HM13: variants seen among roughly 807,000 people sequenced by gnomAD.
The protein encoded by HM13 is signal peptide peptidase.
Under a neutral mutation model 50.0 loss-of-function variants are expected in HM13, and 18 were observed. The observed-to-expected ratio is 0.36, with a 90% confidence interval of 0.25 to 0.53. The LOEUF (loss-of-function observed/expected upper bound fraction) is 0.53. Among genes scored for constraint, HM13 ranks in the 20% least tolerant of loss-of-function variants. HM13 has a pLI of 0.90. For synonymous variants in HM13, 197 were observed against 232.6 expected (o/e 0.85, Z 1.39); for missense variants, 393 against 552.4 (o/e 0.71, Z 2.89).
Position 31,569,166 on chromosome 20 carries a change from A to C in HM13, c.1228A>C (p.Lys410Gln), listed in dbSNP as rs750852753. The stretch of plus-strand genomic sequence containing the variant: ...GGATCCAGCGGCAGTGACAGAATCC[A>C]AAGAGGGAACAGAGGCATCAGCATC... ...PKDPAAVTES[K>Q]EGTEASASKG... The change falls in exon 13 of 13, where the codon AAA becomes CAA. Residue 410 changes from lysine to glutamine, a missense_variant. Lys to Gln is a moderately conservative substitution (Grantham distance 53). Transcript: ENST00000398174. The C allele has an allele frequency of 1.2e-6, 2 of 1,602,748 alleles. No homozygotes were observed. Among genetic ancestry groups the C allele is most frequent in the Non-Finnish European group, 1.7e-6 (2 of 1,174,418 alleles).
At chr20:31,559,734 A>T in intron 9 of HM13, 87 bp downstream of exon 9, 1 of 1,259,130 alleles carries the variant, frequency 7.9e-7, no homozygotes, top group Non-Finnish European at 1.2e-6. Flanking sequence ...ACCTCAGGAG[A>T]CCAGACCCTC....
intron 11 of HM13, 91 bp from the exon 12 acceptor site, chr20:31,567,987 C>T: frequency 8.8e-7 from 1 of 1,136,554 alleles, no homozygotes; most frequent in Non-Finnish European, 1.2e-6. Flanking sequence ...GACAGTTCTG[C>T]TCTCTGCTCC....
At chr20:31,538,782 C>A in intron 3 of HM13, 1 of 421,364 alleles carries the variant, frequency 2.4e-6, no homozygotes, top group South Asian at 9.9e-5. Context: ...CCTCAATTTC[C>A]TGGTGAATGT....
intron 1 of HM13, among the ~76,000 whole-genome samples, chr20:31,515,315 A>G (rs1302422330): frequency 6.6e-6 from 1 of 152,166 alleles, no homozygotes; most frequent in Non-Finnish European, 1.5e-5. Flanking sequence ...CTCAAAAACA[A>G]TGATCTCTTA....
rs1178538878 is a variant in HM13 at position 31,569,157 on chromosome 20, A to G, written c.1219A>G (p.Thr407Ala). The change falls in exon 13 of 13, where the codon ACA (threonine) becomes GCA (alanine). Residue 407 changes from threonine (T) to alanine (A), a missense_variant. Thr to Ala is a moderately conservative substitution (Grantham distance 58). Around this residue, in one of 3 missense-constraint regions of HM13, gnomAD observed 105 missense variants for 115.9 expected, o/e 0.91. Coordinates refer to ENST00000398174, the MANE Select transcript of HM13 (RefSeq NM_178581.3). Reference protein sequence around the residue: ...ESNPKDPAAVTESKEGTEASA... With the variant: ...ESNPKDPAAVAESKEGTEASA... ...AAATCCTAAGGATCCAGCGGCAGTGACAGAATCCAAAGAGGGAACAGAGGC... is the reference window on the plus strand; with the variant it reads ...AAATCCTAAGGATCCAGCGGCAGTGGCAGAATCCAAAGAGGGAACAGAGGC... 6.3e-7 allele frequency: 1 copy of G among 1,598,262 alleles called. No homozygotes were observed. The highest frequency in any genetic ancestry group is 1.1e-5 in the South Asian group (1 of 89,202).
In HM13 at chr20:31,514,480, G is replaced by C. The variant is rs574860648; in HGVS notation, c.-72G>C. The C allele has an allele frequency of 1.3e-6, 2 of 1,510,960 alleles. No individual in the cohort carries two copies. The highest frequency in any genetic ancestry group is 2.7e-5 in the African/African-American group (2 of 72,906). The allele number at this position is 1,510,960 out of a possible 1,614,324, so 93.6% of individuals were successfully genotyped here. A position where few individuals can be genotyped will look rare whatever the true frequency, so the allele number is the denominator to read the frequency against. ...TTAGGGGAACGTGGCTTTCCCTGCA[G>C]AGCCGGTGTCTCCGCCTGCGTCCCT... On this transcript the variant is annotated 5_prime_UTR_variant, in exon 1 of 13. Coordinates refer to ENST00000398174, the MANE Select transcript of HM13 (RefSeq NM_178581.3). This position sits in a 1 kb window ranked among gnomAD's most constrained non-coding sequence, Gnocchi z 4.3.
At chr20:31,546,335 C>G (rs895166346) in intron 4 of HM13, among the ~76,000 whole-genome samples, 1 of 152,098 alleles carries the variant, frequency 6.6e-6, no homozygotes, top group African/African-American at 2.4e-5. Flanking sequence ...CGCGCCCGGC[C>G]GTAGCACTCT....
chr20:31,548,727 G>A, intron 4 of HM13: 3 of 432,616 alleles, frequency 6.9e-6, no homozygotes, highest in Non-Finnish European at 1.3e-5. Context: ...AGGTCACCCA[G>A]CTACAAGTAA....
At chr20:31,553,842 C>G (rs569862748) in intron 7 of HM13, among the ~76,000 whole-genome samples, 1 of 151,946 alleles carries the variant, frequency 6.6e-6, no homozygotes, top group Non-Finnish European at 1.5e-5. Flanking sequence ...GCTTATAGCC[C>G]GGGCTCACCC....
intron 7 of HM13, among the ~76,000 whole-genome samples, chr20:31,552,116 G>C (rs2122632160): frequency 6.6e-6 from 1 of 152,244 alleles, no homozygotes; most frequent in East Asian, 1.9e-4. Context: ...TGCTGGGCCA[G>C]CCAGAGCAAC....
intron 12 of HM13, among the ~76,000 whole-genome samples, chr20:31,568,584 A>G (rs1403775529): frequency 6.6e-6 from 1 of 152,218 alleles, no homozygotes; most frequent in Non-Finnish European, 1.5e-5. Flanking sequence ...TTATCTGGTG[A>G]GGAAAGATTT....
At chr20:31,561,589 C>T in intron 9 of HM13, 45 bp from the exon 10 acceptor site, 2 of 1,307,078 alleles carry the variant, frequency 1.5e-6, no homozygotes, top group Non-Finnish European at 1.1e-6. Context: ...CTAGTTCAGT[C>T]CCTATATCTA....
chr20:31,526,455 CCTT>C (rs1295057189), intron 1 of HM13, among the ~76,000 whole-genome samples: 1 of 152,178 alleles, frequency 6.6e-6, no homozygotes, highest in African/African-American at 2.4e-5. Flanking sequence ...CTGCGCCTGG[CCTT>C]CTTTGGCATA....
At chr20:31,537,436 C>T (rs1983177021) in intron 2 of HM13, among the ~76,000 whole-genome samples, 1 of 152,214 alleles carries the variant, frequency 6.6e-6, no homozygotes, top group South Asian at 2.1e-4. Flanking sequence ...TTGAGAGTGG[C>T]CAGGTTCCCT....
rs1295042134 is a variant in HM13 at position 31,569,246 on chromosome 20, GC to G, written c.*29del. ...GCAGCTGGTGCCCGAGCCTCTCAGG[GC>G]CAGACCAGACAGATGGGGGCTGGGC... On this transcript the variant is annotated 3_prime_UTR_variant, in exon 13 of 13. Transcript: ENST00000398174. 3.8e-5 allele frequency: 56 copies of G among 1,473,878 alleles called. No homozygotes were observed. The highest frequency in any genetic ancestry group is 5.2e-5 in the Non-Finnish European group (56 of 1,072,944). The allele number at this position is 1,473,878 out of a possible 1,614,324, so 91.3% of individuals were successfully genotyped here.
chr20:31,569,172 G>A lies in HM13; in HGVS notation c.1234G>A (p.Gly412Arg). The change falls in exon 13 of 13, where the codon GGA (glycine) becomes AGA (arginine). Residue 412 changes from glycine (G) to arginine (R), a missense_variant. Physicochemically the swap from Gly to Arg is moderately radical, Grantham distance 125 (BLOSUM62 -2). Coordinates refer to ENST00000398174, the MANE Select transcript of HM13 (RefSeq NM_178581.3). Reference protein sequence around the residue: ...DPAAVTESKEGTEASASKGLE... With the variant: ...DPAAVTESKERTEASASKGLE... ...AGCGGCAGTGACAGAATCCAAAGAG[G>A]GAACAGAGGCATCAGCATCGAAGGG... The A allele has an allele frequency of 6.2e-7, 1 of 1,604,802 alleles. No homozygotes were observed.
At chr20:31,556,134 C>T (rs1304828885) in intron 8 of HM13, among the ~76,000 whole-genome samples, 6 of 150,428 alleles carry the variant, frequency 4.0e-5, no homozygotes, top group African/African-American at 7.4e-5. Context: ...CTGGTTCAAG[C>T]GATTCTCGAT....
At chr20:31,547,870 C>A in intron 4 of HM13, 1 of 981,188 alleles carries the variant, frequency 1.0e-6, no homozygotes. Context: ...TGGAGCTAAG[C>A]TGTACCCTGC....
intron 3 of HM13, among the ~76,000 whole-genome samples, chr20:31,543,727 C>T (rs7274269): frequency 1.3e-5 from 2 of 151,190 alleles, no homozygotes; most frequent in Admixed American, 6.6e-5. Flanking sequence ...GTCAGGAGAT[C>T]GAGACCATCC....
Sources: gnomAD v4.1 joint callset for allele counts (sites outside exome capture counted in the v4.1 genomes callset) on GRCh38, gnomAD v4.1.1 for gene constraint, gnomAD v4.1.1 regional missense constraint, Gnocchi (gnomAD v3.1) non-coding constraint, MANE v1.5 for transcripts, NCBI Gene and HGNC (gene_info 2026-07-23, HGNC 2026-07-21) for gene names.